PTPN3: variants seen among roughly 807,000 people sequenced by gnomAD.
PTPN3 encodes tyrosine-protein phosphatase non-receptor type 3.
PTPN3 carries 96 observed loss-of-function variants against 132.7 expected under a neutral mutation model. The ratio of observed to expected loss-of-function variants is 0.72; its 90% CI spans 0.61 to 0.86. The LOEUF (loss-of-function observed/expected upper bound fraction) is 0.86, where lower values mean the gene tolerates loss of function less well. Ranked by LOEUF, PTPN3 falls within the 40% of genes least tolerant of loss-of-function variation. The pLI, the probability that PTPN3 is intolerant of heterozygous loss-of-function variation, is 0.00. For missense variants in PTPN3, 1,125 were observed against 1,159.6 expected (o/e 0.97, Z 0.43); for synonymous variants, 398 against 429.0 (o/e 0.93, Z 0.89).
At chr9:109,453,456 G>A (rs1195691418) in intron 5 of PTPN3, among the ~76,000 whole-genome samples, 2 of 152,116 alleles carry the variant, frequency 1.3e-5, no homozygotes, top group African/African-American at 4.8e-5. Context: ...TGTGCAGTCT[G>A]TGTTAAAACA....
intron 9 of PTPN3, among the ~76,000 whole-genome samples, chr9:109,435,354 T>C (rs10979861): frequency 0.31 from 47,249 of 152,078 alleles, 7,723 homozygotes; most frequent in East Asian, 0.61. Context: ...ATGTCTCTTT[T>C]GGGCTGAAGC....
At chr9:109,383,235 C>T (rs546660273) in intron 23 of PTPN3, 188 bp downstream of exon 23, 7 of 935,284 alleles carry the variant, frequency 7.5e-6, no homozygotes, top group East Asian at 5.0e-5. Flanking sequence ...GTTTGCACCT[C>T]GTGCCTGTTG....
chr9:109,408,987 C>A (rs1841851003), intron 16 of PTPN3, among the ~76,000 whole-genome samples: 1 of 151,696 alleles, frequency 6.6e-6, no homozygotes, highest in South Asian at 2.1e-4. Flanking sequence ...GCAGATGAGG[C>A]TGTGCATGAT....
At chr9:109,478,549 C>T (rs988958222) in intron 1 of PTPN3, among the ~76,000 whole-genome samples, 4 of 152,072 alleles carry the variant, frequency 2.6e-5, no homozygotes, top group South Asian at 2.1e-4. Flanking sequence ...GTGGGGGTCC[C>T]GAAGAGCCCT....
chr9:109,483,581 G>A (rs1045706942), intron 1 of PTPN3, among the ~76,000 whole-genome samples: 6 of 152,136 alleles, frequency 3.9e-5, no homozygotes, highest in African/African-American at 9.7e-5. Flanking sequence ...GGCAGAAAGC[G>A]ATGCCTTCTA....
intron 19 of PTPN3, among the ~76,000 whole-genome samples, chr9:109,392,359 G>C (rs915838564): frequency 2.0e-5 from 3 of 150,884 alleles, no homozygotes; most frequent in African/African-American, 7.3e-5. Context: ...TAAAAACACA[G>C]TTTTTTCAGT....
chr9:109,381,625 C>T (rs1296470226), intron 25 of PTPN3, 27 bp downstream of exon 25: 1 of 1,613,752 alleles, frequency 6.2e-7, no homozygotes, highest in Non-Finnish European at 8.5e-7. Context: ...AAGTGCCAGC[C>T]ACCGTAATTA....
intron 18 of PTPN3, among the ~76,000 whole-genome samples, chr9:109,405,118 A>G (rs1308647271): frequency 6.6e-6 from 1 of 152,198 alleles, no homozygotes; most frequent in Non-Finnish European, 1.5e-5. Flanking sequence ...CCACGTAAAT[A>G]TCGTAGTCCT....
intron 14 of PTPN3, among the ~76,000 whole-genome samples, chr9:109,412,141 C>T (rs906364213): frequency 1.6e-4 from 24 of 152,088 alleles, no homozygotes; most frequent in Non-Finnish European, 2.6e-4. Flanking sequence ...TTCCAGTTCT[C>T]GTTCTGTCTG....
At chr9:109,437,095 C>T in intron 8 of PTPN3, 125 bp from the exon 9 acceptor site, 7 of 1,430,472 alleles carry the variant, frequency 4.9e-6, no homozygotes, top group Non-Finnish European at 6.5e-6. Flanking sequence ...TGTTATCAAT[C>T]TTCAGCAATC....
the PTPN3 span, among the ~76,000 whole-genome samples, chr9:109,512,220 C>T: frequency 6.6e-6 from 1 of 152,188 alleles, no homozygotes; most frequent in African/African-American, 2.4e-5. Flanking sequence ...TAACGATATT[C>T]CTTCCAGATT....
At chr9:109,434,697 T>A (rs778442619) in intron 9 of PTPN3, among the ~76,000 whole-genome samples, 68 of 152,322 alleles carry the variant, frequency 4.5e-4, no homozygotes, top group Non-Finnish European at 1.2e-4. Flanking sequence ...AGCTATATAA[T>A]GTTGGGCTCC....
chr9:109,442,578 C>A (rs548771122), intron 7 of PTPN3, among the ~76,000 whole-genome samples: 3 of 152,268 alleles, frequency 2.0e-5, no homozygotes, highest in South Asian at 2.1e-4. Context: ...CTGAAGCCTG[C>A]GATAGAATTC....
chr9:109,437,081 C>A, intron 8 of PTPN3, 111 bp from the exon 9 acceptor site: 1 of 1,479,782 alleles, frequency 6.8e-7, no homozygotes, highest in Non-Finnish European at 9.0e-7. Flanking sequence ...TATTAAATGC[C>A]TTATGTTATC....
intron 2 of PTPN3, among the ~76,000 whole-genome samples, chr9:109,460,108 G>C (rs1365587332): frequency 6.6e-6 from 1 of 152,042 alleles, no homozygotes; most frequent in East Asian, 1.9e-4. Flanking sequence ...CAGCAGAACT[G>C]ATTACTTCTA....
chr9:109,510,395 CTA>C, the PTPN3 span, among the ~76,000 whole-genome samples: 1 of 151,340 alleles, frequency 6.6e-6, no homozygotes, highest in East Asian at 2.0e-4. Flanking sequence ...CCTGTCTCTA[CTA>C]AAACTACAAA....
the PTPN3 span, among the ~76,000 whole-genome samples, chr9:109,527,246 A>G: frequency 6.6e-6 from 1 of 152,240 alleles, no homozygotes; most frequent in Non-Finnish European, 1.5e-5. Context: ...GGATAATTTG[A>G]GGCCAGGAGT....
At chr9:109,516,713 A>G in the PTPN3 span, among the ~76,000 whole-genome samples, 1 of 152,222 alleles carries the variant, frequency 6.6e-6, no homozygotes, top group African/African-American at 2.4e-5. Context: ...CCATCGGGCA[A>G]CAATGATTGT....
intron 1 of PTPN3, among the ~76,000 whole-genome samples, chr9:109,477,919 G>A (rs905077459): frequency 4.6e-5 from 7 of 152,186 alleles, no homozygotes; most frequent in African/African-American, 1.2e-4. Flanking sequence ...CTCACCTTTC[G>A]GGGCACATGC....
Sources: gnomAD v4.1 joint callset for allele counts (sites outside exome capture counted in the v4.1 genomes callset) on GRCh38, gnomAD v4.1.1 for gene constraint, MANE v1.5 for transcripts, NCBI Gene and HGNC (gene_info 2026-07-23, HGNC 2026-07-21) for gene names.